The following METTL24 variants were observed in gnomAD, a reference collection of about 807,000 sequenced individuals.
METTL24 encodes probable methyltransferase-like protein 24.
A neutral mutation model predicts 32.7 loss-of-function variants in METTL24; 29 were observed. That is an observed-to-expected ratio of 0.89 (90% confidence interval 0.66 to 1.21). The LOEUF is 1.21. Among genes scored for constraint, METTL24 ranks in the 50% most tolerant of loss-of-function variants. METTL24 has a pLI of 0.00. For missense variants in METTL24, 439 were observed against 468.1 expected (o/e 0.94, Z 0.57); for synonymous variants, 163 against 179.5 (o/e 0.91, Z 0.73).
At chr6:110,296,163 G>A (rs542083211) in intron 4 of METTL24, among the ~76,000 whole-genome samples, 2 of 152,244 alleles carry the variant, frequency 1.3e-5, no homozygotes, top group Non-Finnish European at 2.9e-5. Context: ...GCATGGTTAA[G>A]ACCAAAAATA....
rs533859737 is a variant in METTL24 at position 110,245,779 on chromosome 6, T to A, written c.*167A>T. ...TTATCCCTTTAACAAGTATTGACTG[T>A]GCCCCATCACATGCCAAGCACTAGG... On this transcript the variant is annotated 3_prime_UTR_variant, in exon 5 of 5. Transcript: ENST00000338882. The A allele has an allele frequency of 3.3e-5, 21 of 641,994 alleles. No homozygotes were observed. The African/African-American group carries it at 3.8e-4, about 12-fold the overall frequency. 39.8% of individuals were successfully genotyped at this position (641,994 alleles called of 1,614,324 possible). A position where few individuals can be genotyped will look rare whatever the true frequency, so the allele number is the denominator to read the frequency against.
intron 4 of METTL24, among the ~76,000 whole-genome samples, chr6:110,291,165 T>C (rs1267848075): frequency 1.3e-5 from 2 of 152,206 alleles, no homozygotes; most frequent in African/African-American, 4.8e-5. Context: ...TCACAATGTC[T>C]TTTGATGAGC....
At chr6:110,333,655 T>G (rs944530220) in intron 1 of METTL24, among the ~76,000 whole-genome samples, 1 of 152,164 alleles carries the variant, frequency 6.6e-6, no homozygotes, top group Non-Finnish European at 1.5e-5. Flanking sequence ...TTGGCCAGGC[T>G]GGTCTCAAGC....
Position 110,315,498 on chromosome 6 carries a change from T to C in METTL24, c.418-17A>G. On this transcript the variant is annotated splice_polypyrimidine_tract_variant and intron_variant, in intron 2 of 4. Coordinates refer to ENST00000338882, the MANE Select transcript of METTL24 (RefSeq NM_001123364.3). ...GCATGCAATCTGTAAAGATTGGAAATCAATGTGAATAATTTGAAATGTTGG... is the reference window on the plus strand; with the variant it reads ...GCATGCAATCTGTAAAGATTGGAAACCAATGTGAATAATTTGAAATGTTGG... 1.9e-6 allele frequency: 3 copies of C among 1,612,484 alleles called. No individual in the cohort carries two copies. The highest frequency in any genetic ancestry group is 2.2e-5 in the East Asian group (1 of 44,860).
chr6:110,345,774 T>C (rs1392026317), intron 1 of METTL24, among the ~76,000 whole-genome samples: 3 of 152,098 alleles, frequency 2.0e-5, no homozygotes, highest in Admixed American at 6.5e-5. Flanking sequence ...GACTGGGACC[T>C]ACTTGAGGGT....
chr6:110,303,699 G>A (rs1230420889), intron 3 of METTL24, among the ~76,000 whole-genome samples: 1 of 152,142 alleles, frequency 6.6e-6, no homozygotes, highest in Non-Finnish European at 1.5e-5. Context: ...CATCTCCCTG[G>A]GTCAGAGCAC....
In METTL24 at chr6:110,356,960, C is replaced by T. The variant is rs543527483; in HGVS notation, c.318+995G>A. ...TGCTGAAAAGTAGGCTAGCACTGGG[C>T]AGCCGAAGACAGCAGCGAGGCAAAG... On this transcript the variant is annotated intron_variant, in intron 1 of 4. Coordinates refer to ENST00000338882, the MANE Select transcript of METTL24 (RefSeq NM_001123364.3). Among the ~76,000 whole-genome samples the T allele has an allele frequency of 3.0e-3, 459 of 152,292 alleles. 5 individuals are homozygous for T. Among genetic ancestry groups the T allele is most frequent in the Non-Finnish European group, 4.9e-3 (331 of 68,034 alleles).
chr6:110,334,991 T>G (rs1772184999), intron 1 of METTL24, among the ~76,000 whole-genome samples: 1 of 152,194 alleles, frequency 6.6e-6, no homozygotes, highest in African/African-American at 2.4e-5. Flanking sequence ...AGAAGCCACA[T>G]AAAAGCTTCT....
chr6:110,347,274 A>C (rs1772495436), intron 1 of METTL24, among the ~76,000 whole-genome samples: 1 of 152,214 alleles, frequency 6.6e-6, no homozygotes, highest in African/African-American at 2.4e-5. Flanking sequence ...ATTTATTAAA[A>C]TGTTGAGCCC....
Position 110,253,973 on chromosome 6 carries a change from C to T in METTL24, c.787-7713G>A, listed in dbSNP as rs188373898. 75 of 1,372,388 alleles carry T rather than the reference C, an allele frequency of 5.5e-5. 1 individual carries two copies. In the East Asian group the frequency reaches 1.7e-3, roughly 31 times the overall value. The allele number at this position is 1,372,388 out of a possible 1,614,324, so 85.0% of individuals were successfully genotyped here. A position where few individuals can be genotyped will look rare whatever the true frequency, so the allele number is the denominator to read the frequency against. On this transcript the variant is annotated intron_variant, in intron 4 of 4. Transcript: ENST00000338882. ...ATGGCAAGTGGGTGAAGGTCCAGAC[C>T]TCAACTCAAGAGCAGCTCCCCTTTG...
chr6:110,292,210 T>G (rs1408481092), intron 4 of METTL24, among the ~76,000 whole-genome samples: 3 of 152,232 alleles, frequency 2.0e-5, no homozygotes, highest in South Asian at 2.1e-4. Flanking sequence ...ATAACTTTAT[T>G]CATATATCTG....
rs562933064 is a variant in METTL24, at chr6:110,302,908, C to T, written c.558-3758G>A. 5.9e-5 allele frequency among the ~76,000 whole-genome samples: 9 copies of T among 152,222 alleles called. No homozygotes were observed. The South Asian group carries it at 1.9e-3, about 32-fold the overall frequency. ...ATAGAAAGAGCTCTGGTCTACAGCT[C>T]CCAGCAAGACCAATGCAGAAGGTGG... On this transcript the variant is annotated intron_variant, in intron 3 of 4. Coordinates refer to ENST00000338882, the MANE Select transcript of METTL24 (RefSeq NM_001123364.3).
intron 4 of METTL24, among the ~76,000 whole-genome samples, chr6:110,287,078 G>A (rs1427243462): frequency 3.3e-5 from 5 of 152,172 alleles, no homozygotes; most frequent in Non-Finnish European, 7.4e-5. Context: ...TCCAGATGTA[G>A]TTAATTCTGT....
chr6:110,288,040 T>TA (rs1771254697), intron 4 of METTL24, among the ~76,000 whole-genome samples: 1 of 152,142 alleles, frequency 6.6e-6, no homozygotes, highest in African/African-American at 2.4e-5. Flanking sequence ...TGCATGGGAA[T>TA]AAAAACAATG....
chr6:110,259,031 C>T (rs967256017), intron 4 of METTL24, among the ~76,000 whole-genome samples: 1 of 152,138 alleles, frequency 6.6e-6, no homozygotes, highest in African/African-American at 2.4e-5. Flanking sequence ...CTACAGCTCC[C>T]AGAGTGAGCG....
intron 4 of METTL24, among the ~76,000 whole-genome samples, chr6:110,259,875 C>A (rs1015553226): frequency 2.0e-5 from 3 of 152,182 alleles, no homozygotes; most frequent in Non-Finnish European, 4.4e-5. Flanking sequence ...AGACCTCTGG[C>A]AAACTCCAAC....
intron 1 of METTL24, among the ~76,000 whole-genome samples, chr6:110,333,074 A>C (rs1224603378): frequency 6.6e-6 from 1 of 152,120 alleles, no homozygotes; most frequent in African/African-American, 2.4e-5. Flanking sequence ...AAAATACGTA[A>C]GGTTACCTGG....
At chr6:110,276,486 A>G (rs976277172) in intron 4 of METTL24, among the ~76,000 whole-genome samples, 4 of 152,146 alleles carry the variant, frequency 2.6e-5, no homozygotes, top group African/African-American at 9.7e-5. Flanking sequence ...CATGACTTGT[A>G]CTCTGTCAAG....
chr6:110,281,409 G>A (rs182395999), intron 4 of METTL24, among the ~76,000 whole-genome samples: 1,610 of 152,142 alleles, frequency 0.011, 14 homozygotes, highest in Middle Eastern at 0.017. Context: ...TTGGGAGGCC[G>A]AGGCGGGTGG....
Sources: gnomAD v4.1 joint callset for allele counts (sites outside exome capture counted in the v4.1 genomes callset) on GRCh38, gnomAD v4.1.1 for gene constraint, MANE v1.5 for transcripts, NCBI Gene and HGNC (gene_info 2026-07-23, HGNC 2026-07-21) for gene names.